CFAP299: variants seen among roughly 807,000 people sequenced by gnomAD.
CFAP299 encodes cilia- and flagella-associated protein 299.
Under a neutral mutation model 27.0 loss-of-function variants are expected in CFAP299, and 21 were observed. The observed-to-expected ratio is 0.78, with a 90% CI of 0.55 to 1.12. The LOEUF (loss-of-function observed/expected upper bound fraction) is 1.12. Ranked by LOEUF, CFAP299 falls within the 50% of genes most tolerant of loss-of-function variation. The pLI is 0.00. For missense variants in CFAP299, 310 were observed against 276.6 expected (o/e 1.12, Z -0.86); for synonymous variants, 104 against 98.1 (o/e 1.06, Z -0.36).
At chr4:80,818,202 A>G (rs1729522192) in intron 3 of CFAP299, among the ~76,000 whole-genome samples, 1 of 152,138 alleles carries the variant, frequency 6.6e-6, no homozygotes, top group African/African-American at 2.4e-5. Flanking sequence ...TTATGACTGC[A>G]TAGTATTCCG....
intron 3 of CFAP299, among the ~76,000 whole-genome samples, chr4:80,776,594 G>A (rs1440766761): frequency 2.0e-5 from 3 of 151,968 alleles, no homozygotes; most frequent in South Asian, 4.2e-4. Context: ...CGGGGGATGA[G>A]GGCAAGGGGA....
intron 4 of CFAP299, among the ~76,000 whole-genome samples, chr4:80,943,370 A>G (rs1001746532): frequency 6.6e-6 from 1 of 152,184 alleles, no homozygotes; most frequent in Non-Finnish European, 1.5e-5. Flanking sequence ...TAATAATATG[A>G]AAGTGGTAAT....
intron 3 of CFAP299, among the ~76,000 whole-genome samples, chr4:80,672,081 C>T (rs1741519293): frequency 6.6e-6 from 1 of 152,076 alleles, no homozygotes; most frequent in East Asian, 1.9e-4. Context: ...TGTCTTGTGC[C>T]AGTTTTCAAA....
chr4:80,771,103 G>A (rs1018405286), intron 3 of CFAP299, among the ~76,000 whole-genome samples: 3 of 152,086 alleles, frequency 2.0e-5, no homozygotes, highest in African/African-American at 4.8e-5. Flanking sequence ...ACAGGGAGTG[G>A]GAGTCATGCG....
rs907282240 is a variant in CFAP299 at position 80,386,523 on chromosome 4, G to GAA, written c.242+23639_242+23640insAA. 22 of 1,574,188 alleles carry GAA rather than the reference G, an allele frequency of 1.4e-5. No homozygotes were observed. The African/African-American group carries it at 1.8e-4, about 13-fold the overall frequency. On this transcript the variant is annotated intron_variant, in intron 2 of 5. Transcript: ENST00000358105. ...CTCGCGGGCGGTGGTGGGGGGGGGG[G>GAA]GTGCCGCCGGGTTTGCAGGTCCTTT...
intron 2 of CFAP299, among the ~76,000 whole-genome samples, chr4:80,511,234 G>A (rs1732285421): frequency 6.6e-6 from 1 of 152,092 alleles, no homozygotes; most frequent in Non-Finnish European, 1.5e-5. Flanking sequence ...AGTTCATGCA[G>A]TAATTACAAA....
At chr4:80,468,881 G>A (rs913193351) in intron 2 of CFAP299, among the ~76,000 whole-genome samples, 1 of 148,130 alleles carries the variant, frequency 6.8e-6, no homozygotes, top group African/African-American at 2.5e-5. Context: ...GTGAGAATTA[G>A]TTATTAGTTT....
chr4:80,419,549 T>A, intron 2 of CFAP299, among the ~76,000 whole-genome samples: 1 of 152,136 alleles, frequency 6.6e-6, no homozygotes, highest in East Asian at 1.9e-4. Flanking sequence ...TGATCAGGTT[T>A]TTTCTACCTA....
intron 3 of CFAP299, among the ~76,000 whole-genome samples, chr4:80,693,622 C>T (rs1474278003): frequency 6.6e-6 from 1 of 151,006 alleles, no homozygotes; most frequent in Non-Finnish European, 1.5e-5. Flanking sequence ...GGTGCACCAG[C>T]ATGGCACATG....
chr4:80,566,962 G>T (rs1032734029), intron 2 of CFAP299, among the ~76,000 whole-genome samples: 3 of 151,762 alleles, frequency 2.0e-5, no homozygotes, highest in African/African-American at 7.3e-5. Flanking sequence ...CAAAAATGAG[G>T]AGTTCAGAGA....
intron 2 of CFAP299, among the ~76,000 whole-genome samples, chr4:80,547,282 A>T (rs184310108): frequency 7.4e-4 from 113 of 152,280 alleles, no homozygotes; most frequent in African/African-American, 2.5e-3. Context: ...TGAGGAAAGG[A>T]CTTCTAATTC....
chr4:80,743,378 C>G (rs1245596032), intron 3 of CFAP299, among the ~76,000 whole-genome samples: 1 of 152,068 alleles, frequency 6.6e-6, no homozygotes, highest in Admixed American at 6.6e-5. Flanking sequence ...TACATACATA[C>G]ATACATCAAA....
At chr4:80,774,265 C>G (rs963491625) in intron 3 of CFAP299, among the ~76,000 whole-genome samples, 1 of 151,776 alleles carries the variant, frequency 6.6e-6, no homozygotes, top group Non-Finnish European at 1.5e-5. Flanking sequence ...ATAAGTTACC[C>G]TGAAGTCACC....
At chr4:80,390,635 A>G (rs989007561) in intron 2 of CFAP299, among the ~76,000 whole-genome samples, 1 of 119,682 alleles carries the variant, frequency 8.4e-6, no homozygotes, top group African/African-American at 3.8e-5. Flanking sequence ...ATATATGTAT[A>G]CACATATATG....
intron 4 of CFAP299, among the ~76,000 whole-genome samples, chr4:80,932,285 TG>T (rs1736663282): frequency 6.6e-6 from 1 of 152,162 alleles, no homozygotes; most frequent in African/African-American, 2.4e-5. Flanking sequence ...AACCATTATC[TG>T]TATTTTCCTA....
intron 3 of CFAP299, among the ~76,000 whole-genome samples, chr4:80,810,235 T>A (rs1729075277): frequency 6.6e-6 from 1 of 151,946 alleles, no homozygotes; most frequent in African/African-American, 2.4e-5. Context: ...AACATACTAT[T>A]CATATTTGTT....
chr4:80,691,942 C>A (rs1040320341), intron 3 of CFAP299, among the ~76,000 whole-genome samples: 9 of 152,046 alleles, frequency 5.9e-5, no homozygotes, highest in African/African-American at 2.2e-4. Context: ...CTTCCATTCA[C>A]AATTGCTTCA....
At chr4:80,924,514 A>ATGTGTGTGTGTGTGTG in intron 4 of CFAP299, among the ~76,000 whole-genome samples, 1 of 137,510 alleles carries the variant, frequency 7.3e-6, no homozygotes, top group African/African-American at 2.7e-5. Context: ...ACAATTCATT[A>ATGTGTGTGTGTGTGTG]TGTGTGTGTG....
chr4:80,370,451 C>T (rs772536830), intron 2 of CFAP299, among the ~76,000 whole-genome samples: 24 of 152,180 alleles, frequency 1.6e-4, no homozygotes, highest in Non-Finnish European at 2.9e-4. Context: ...ACCCAAAAGT[C>T]CACAGTCCAA....
Sources: gnomAD v4.1 joint callset for allele counts (sites outside exome capture counted in the v4.1 genomes callset) on GRCh38, gnomAD v4.1.1 for gene constraint, MANE v1.5 for transcripts, NCBI Gene and HGNC (gene_info 2026-07-23, HGNC 2026-07-21) for gene names.